PTPRD: variants seen among roughly 807,000 people sequenced by gnomAD.
The protein encoded by PTPRD is protein tyrosine phosphatase receptor type D, also known as receptor-type tyrosine-protein phosphatase delta.
A neutral mutation model predicts 214.5 loss-of-function variants in PTPRD; 34 were observed. That is an observed-to-expected ratio of 0.16 (90% CI 0.12 to 0.21). The LOEUF (loss-of-function observed/expected upper bound fraction) is 0.21, where lower values mean the gene tolerates loss of function less well. PTPRD is among the 10% of genes least tolerant of loss of function. The probability of loss-of-function intolerance (pLI) is 1.00; values close to 1 mark genes in which losing one functional copy is unlikely to be tolerated. For synonymous variants in PTPRD, 1,128 were observed against 845.7 expected (o/e 1.33, Z -5.79); for missense variants, 2,545 against 2,398.7 (o/e 1.06, Z -1.27).
chr9:9,378,719 G>A (rs1012698888), intron 9 of PTPRD, among the ~76,000 whole-genome samples: 8 of 143,722 alleles, frequency 5.6e-5, no homozygotes, highest in Non-Finnish European at 1.2e-4. Flanking sequence ...TAATAGGTGT[G>A]TAGTTGTATA....
chr9:9,079,996 T>C (rs949257436), intron 10 of PTPRD, among the ~76,000 whole-genome samples: 5 of 152,098 alleles, frequency 3.3e-5, no homozygotes, highest in Non-Finnish European at 5.9e-5. Flanking sequence ...AAATGTTCAA[T>C]GACATCCCGA....
intron 4 of PTPRD, among the ~76,000 whole-genome samples, chr9:9,977,158 G>A (rs1014877744): frequency 4.6e-5 from 7 of 152,254 alleles, no homozygotes; most frequent in East Asian, 1.9e-4. Flanking sequence ...TTGCACTTTG[G>A]TGATGTCAGC....
chr9:8,776,240 T>C (rs2095468611), intron 11 of PTPRD, among the ~76,000 whole-genome samples: 1 of 152,150 alleles, frequency 6.6e-6, no homozygotes, highest in African/African-American at 2.4e-5. Flanking sequence ...ATACTAAGGC[T>C]CAGTTTGCCA....
chr9:9,395,207 G>C (rs2067345300), intron 9 of PTPRD, among the ~76,000 whole-genome samples: 1 of 151,882 alleles, frequency 6.6e-6, no homozygotes, highest in African/African-American at 2.4e-5. Context: ...AAAAAGTATG[G>C]GGTCTAATAG....
intron 3 of PTPRD, among the ~76,000 whole-genome samples, chr9:10,067,308 C>T (rs960654336): frequency 2.0e-5 from 3 of 151,820 alleles, no homozygotes; most frequent in African/African-American, 7.3e-5. Flanking sequence ...TGTGTACTAA[C>T]AGTAAATAGC....
At chr9:8,996,175 G>C (rs751695192) in intron 11 of PTPRD, among the ~76,000 whole-genome samples, 17 of 152,040 alleles carry the variant, frequency 1.1e-4, no homozygotes, top group Non-Finnish European at 2.4e-4. Context: ...AATGACTACA[G>C]CAACTTTAAT....
intron 2 of PTPRD, among the ~76,000 whole-genome samples, chr9:10,510,175 C>A (rs140321239): frequency 6.6e-6 from 1 of 152,138 alleles, no homozygotes; most frequent in Admixed American, 6.6e-5. Flanking sequence ...TGTCAATTTG[C>A]CAAAGTTGCT....
chr9:8,416,198 C>T (rs1564650552), intron 35 of PTPRD, among the ~76,000 whole-genome samples: 1 of 152,026 alleles, frequency 6.6e-6, no homozygotes, highest in Non-Finnish European at 1.5e-5. Flanking sequence ...AATTGTTATG[C>T]ATCTAGTGAC....
intron 4 of PTPRD, among the ~76,000 whole-genome samples, chr9:9,970,100 G>A (rs1309724805): frequency 6.6e-6 from 1 of 152,090 alleles, no homozygotes; most frequent in Admixed American, 6.5e-5. Context: ...CCATATTAAG[G>A]ATTATAGGTT....
At chr9:10,388,219 G>A (rs1375038999) in intron 2 of PTPRD, among the ~76,000 whole-genome samples, 1 of 151,778 alleles carries the variant, frequency 6.6e-6, no homozygotes, top group Admixed American at 6.6e-5. Context: ...AAGGAAATAG[G>A]AAGATAACAG....
At chr9:9,923,504 A>T (rs2083263329) in intron 5 of PTPRD, among the ~76,000 whole-genome samples, 1 of 151,910 alleles carries the variant, frequency 6.6e-6, no homozygotes, top group African/African-American at 2.4e-5. Context: ...TCGATCTCCA[A>T]ACGAAATCAG....
At chr9:8,891,491 T>C (rs139081388) in intron 11 of PTPRD, among the ~76,000 whole-genome samples, 197 of 151,850 alleles carry the variant, frequency 1.3e-3, no homozygotes, top group African/African-American at 4.4e-3. Flanking sequence ...AAAAGAGTGA[T>C]CTTTAAAAAA....
chr9:9,766,902 A>T (rs888652433), intron 5 of PTPRD, 51 bp from the exon 6 acceptor site: 1 of 152,492 alleles, frequency 6.6e-6, no homozygotes, highest in Admixed American at 6.5e-5. Context: ...AAATGCATAG[A>T]TTGAGAAATA....
Position 9,197,967 on chromosome 9 carries a change from C to G in PTPRD, c.-202-14604G>C, listed in dbSNP as rs189397065. On this transcript the variant is annotated intron_variant, in intron 9 of 45. Coordinates refer to ENST00000381196, the MANE Select transcript of PTPRD (RefSeq NM_002839.4). Reference sequence around the variant, plus strand: ...CAAGCTTTTTGACACTGGAGTCTCTCAAAACTTTGGCAGGACTAATCTAGA... The same window carrying G: ...CAAGCTTTTTGACACTGGAGTCTCTGAAAACTTTGGCAGGACTAATCTAGA... 1.5e-4 allele frequency among the ~76,000 whole-genome samples: 23 copies of G among 152,210 alleles called. No homozygotes were observed. The South Asian group carries it at 2.3e-3, about 15-fold the overall frequency.
chr9:10,548,520 C>G (rs2130964726), intron 2 of PTPRD, among the ~76,000 whole-genome samples: 1 of 152,272 alleles, frequency 6.6e-6, no homozygotes, highest in East Asian at 1.9e-4. Flanking sequence ...CTGTGAAAGC[C>G]TGGAAAAGTG....
intron 10 of PTPRD, among the ~76,000 whole-genome samples, chr9:9,057,143 G>T (rs939203439): frequency 1.3e-5 from 2 of 152,064 alleles, no homozygotes; most frequent in Admixed American, 1.3e-4. Flanking sequence ...TAATCTGATT[G>T]CAGGAAACAG....
intron 7 of PTPRD, among the ~76,000 whole-genome samples, chr9:9,632,965 C>A (rs548805856): frequency 6.6e-6 from 1 of 151,960 alleles, no homozygotes; most frequent in Admixed American, 6.6e-5. Context: ...AACATTATAG[C>A]CAAATGGGAA....
At chr9:10,546,559 G>T (rs148461514) in intron 2 of PTPRD, among the ~76,000 whole-genome samples, 1 of 151,688 alleles carries the variant, frequency 6.6e-6, no homozygotes, top group Non-Finnish European at 1.5e-5. Flanking sequence ...TAAAAGTGAG[G>T]AAAGAACAAA....
At chr9:8,820,648 C>A (rs1217331004) in intron 11 of PTPRD, among the ~76,000 whole-genome samples, 1 of 152,022 alleles carries the variant, frequency 6.6e-6, no homozygotes, top group Non-Finnish European at 1.5e-5. Flanking sequence ...CTTTTTCTGG[C>A]ATGGTAATAT....
Sources: gnomAD v4.1 joint callset for allele counts (sites outside exome capture counted in the v4.1 genomes callset) on GRCh38, gnomAD v4.1.1 for gene constraint, MANE v1.5 for transcripts, NCBI Gene and HGNC (gene_info 2026-07-23, HGNC 2026-07-21) for gene names.